The following PDCD11 variants were observed in gnomAD, a reference collection of about 807,000 sequenced individuals.
PDCD11 encodes protein RRP5 homolog.
A neutral mutation model predicts 198.9 loss-of-function variants in PDCD11; 97 were observed. That is an observed-to-expected ratio of 0.49 (90% CI 0.41 to 0.58). PDCD11 has a LOEUF of 0.58. Ranked by LOEUF, PDCD11 falls within the 20% of genes least tolerant of loss-of-function variation. The pLI, the probability that PDCD11 is intolerant of heterozygous loss-of-function variation, is 0.00. For missense variants in PDCD11, 2,102 were observed against 2,312.7 expected (o/e 0.91, Z 1.87); for synonymous variants, 893 against 918.0 (o/e 0.97, Z 0.49).
At chr10:103,398,679 T>C in intron 2 of PDCD11, 151 bp downstream of exon 2, 2 of 633,868 alleles carry the variant, frequency 3.2e-6, no homozygotes, top group Non-Finnish European at 5.7e-6. Context: ...AGAGAGGCCA[T>C]ACCACCACAA....
At chr10:103,414,225 C>T (rs1290407659) in intron 10 of PDCD11, 45 bp from the exon 11 acceptor site, 2 of 1,593,604 alleles carry the variant, frequency 1.3e-6, no homozygotes, top group African/African-American at 1.3e-5. Flanking sequence ...TTTTAGGCAA[C>T]CTCTGCCCTA....
rs752322118 is a variant in PDCD11 at position 103,405,945 on chromosome 10, C to A, written c.565-40C>A. 1.9e-6 allele frequency: 3 copies of A among 1,607,406 alleles called. 1 individual carries two copies. The South Asian group carries it at 3.3e-5, about 18-fold the overall frequency. On this transcript the variant is annotated intron_variant, in intron 5 of 35. Transcript: ENST00000369797. ...GGATGTTTTGTGTGTGTCCCATTAC[C>A]TTTGAATTGGAACTTCTGGGACTAC...
At chr10:103,400,596 T>C (rs1231448927) in intron 3 of PDCD11, 68 bp downstream of exon 3, 3 of 1,485,414 alleles carry the variant, frequency 2.0e-6, no homozygotes, top group East Asian at 2.3e-5. Flanking sequence ...TGTTCTTTTT[T>C]TCTTCTTTCC....
In PDCD11 at chr10:103,445,563, C is replaced by T. The variant is rs201845075; in HGVS notation, c.*14C>T. 3.1e-6 allele frequency: 5 copies of T among 1,610,652 alleles called. No homozygotes were observed. In the African/African-American group the frequency reaches 4.0e-5, roughly 13 times the overall value. On this transcript the variant is annotated 3_prime_UTR_variant, in exon 36 of 36. Transcript: ENST00000369797. ...CTAGAGGACTAGTGGCAGGCTGGCTCTGTGGGACACTGTCAACAATGGGCC... is the reference window on the plus strand; with the variant it reads ...CTAGAGGACTAGTGGCAGGCTGGCTTTGTGGGACACTGTCAACAATGGGCC...
At chr10:103,423,188 A>C (rs761497908) in intron 18 of PDCD11, 51 bp downstream of exon 18, 10 of 1,471,674 alleles carry the variant, frequency 6.8e-6, no homozygotes, top group Non-Finnish European at 8.1e-6. Context: ...CCCTTTGTCC[A>C]TTGCTCCCTC....
In PDCD11 at chr10:103,434,950, G is replaced by C; in HGVS notation, c.3820G>C (p.Asp1274His). 2 of 1,581,272 alleles carry C rather than the reference G, an allele frequency of 1.3e-6. No individual in the cohort carries two copies. The highest frequency in any genetic ancestry group is 4.8e-5 in the East Asian group (2 of 42,092). The change falls in exon 25 of 36, where the codon GAC (aspartate) becomes CAC (histidine). Residue 1274 changes from aspartate (D) to histidine (H), a missense_variant. Coordinates refer to ENST00000369797, the MANE Select transcript of PDCD11 (RefSeq NM_014976.2). ...CTCCTACTCCGAGACGCCCCTGGAA[G>C]ACTTCGTCCCCCAGAAGGTTGTCAG... ...SDSYSETPLE[D>H]FVPQKVVRCY...
chr10:103,418,486 T>C lies in PDCD11; in HGVS notation c.1958T>C (p.Val653Ala), dbSNP rs1213250618. The change falls in exon 15 of 36, where the codon GTG (valine) becomes GCG (alanine). Residue 653 changes from valine to alanine, a missense_variant. Physicochemically the swap from Val to Ala is moderately conservative, Grantham distance 64 (BLOSUM62 0). Transcript: ENST00000369797. ...VLEKTKDGLE[V>A]AVLPHNIRAF... ...GAGAAGACCAAAGATGGGCTGGAGG[T>C]GGCTGTCCTGCCCCACAACATCCGT... The C allele has an allele frequency of 6.2e-7, 1 of 1,614,094 alleles. No individual in the cohort carries two copies. Among genetic ancestry groups the C allele is most frequent in the Non-Finnish European group, 8.5e-7 (1 of 1,179,994 alleles).
intron 12 of PDCD11, among the ~76,000 whole-genome samples, chr10:103,415,621 C>T (rs2031064482): frequency 6.6e-6 from 1 of 152,216 alleles, no homozygotes; most frequent in Non-Finnish European, 1.5e-5. Flanking sequence ...GAAATTAAAG[C>T]TTCGGAAAGC....
Position 103,406,444 on chromosome 10 carries a change from C to T in PDCD11, c.689-165C>T, listed in dbSNP as rs561849590. Among the ~76,000 whole-genome samples the T allele has an allele frequency of 3.9e-5, 6 of 152,252 alleles. 1 individual carries two copies. The East Asian group carries it at 5.8e-4, about 15-fold the overall frequency. On this transcript the variant is annotated intron_variant, in intron 6 of 35. Transcript: ENST00000369797. Reference sequence around the variant, plus strand: ...AATTCCAGATCAATTAGGATAACTTCGTTTCCTTCTTGTAGTTGGCCCCTT... The same window carrying T: ...AATTCCAGATCAATTAGGATAACTTTGTTTCCTTCTTGTAGTTGGCCCCTT...
In PDCD11 at chr10:103,443,249, C is replaced by G; in HGVS notation, c.5040C>G (p.Val1680=). 1 of 1,613,108 alleles carries G rather than the reference C, an allele frequency of 6.2e-7. No individual in the cohort carries two copies. Among genetic ancestry groups the G allele is most frequent in the Non-Finnish European group, 8.5e-7 (1 of 1,179,162 alleles). Residue 1680 remains valine, a synonymous_variant, in exon 33 of 36, where the codon GTC becomes GTG. Transcript: ENST00000369797. Reference sequence around the variant, plus strand: ...GCTCTCAGGAGTCCCTGACCAAGGTCTTTGAGCGAGCCGTGCAGTACAACG... The same window carrying G: ...GCTCTCAGGAGTCCCTGACCAAGGTGTTTGAGCGAGCCGTGCAGTACAACG... ...MYGSQESLTK[V]FERAVQYNEP...
chr10:103,442,598 C>T, intron 32 of PDCD11, 138 bp downstream of exon 32: 1 of 852,440 alleles, frequency 1.2e-6, no homozygotes, highest in African/African-American at 1.7e-5. Context: ...GGTCCTCAGG[C>T]TTTCTGCCAT....
rs923289430 is a variant in PDCD11 at position 103,418,500 on chromosome 10, C to T, written c.1972C>T (p.His658Tyr). ...TGGGCTGGAGGTGGCTGTCCTGCCC[C>T]ACAACATCCGTGCTTTCCTCCCCAC... is the stretch of plus-strand genomic sequence containing the variant. ...KDGLEVAVLPHNIRAFLPTSH... is the reference protein window; with the variant it reads ...KDGLEVAVLPYNIRAFLPTSH... The change falls in exon 15 of 36, where the codon CAC (histidine) becomes TAC (tyrosine). Residue 658 changes from histidine (H) to tyrosine (Y), a missense_variant. His to Tyr is a moderately conservative substitution (Grantham distance 83). Transcript: ENST00000369797. The T allele has an allele frequency of 5.0e-6, 8 of 1,614,024 alleles. No homozygotes were observed. In the African/African-American group the frequency reaches 6.7e-5, roughly 13 times the overall value.
rs2031425756 is a variant in PDCD11 at position 103,421,506 on chromosome 10, C to T, written c.2436C>T (p.Leu812=). The part of the protein sequence containing the change: ...CGLGDLAITS[L]LLLNQCLEEL... ...TGGGGGACTTGGCTATCACCAGCCT[C>T]CTCCTCCTGAATCAGTGCCTGGAGG... The change falls in exon 17 of 36, where the codon CTC becomes CTT. Residue 812 remains leucine (L), a synonymous_variant. Transcript: ENST00000369797. 1 of 1,589,726 alleles carries T rather than the reference C, an allele frequency of 6.3e-7. No individual in the cohort carries two copies. The highest frequency in any genetic ancestry group is 8.6e-7 in the Non-Finnish European group (1 of 1,167,650).
Position 103,442,452 on chromosome 10 carries a change from C to G in PDCD11, c.4947C>G (p.Ile1649Met), listed in dbSNP as rs749350549. The G allele has an allele frequency of 1.2e-6, 2 of 1,613,492 alleles. No individual in the cohort carries two copies. The highest frequency in any genetic ancestry group is 1.7e-6 in the Non-Finnish European group (2 of 1,179,790). The change falls in exon 32 of 36, where the codon ATC (isoleucine) becomes ATG (methionine). Residue 1649 changes from isoleucine (I) to methionine (M), a missense_variant. By Grantham distance (10) the Ile-to-Met change is conservative. Coordinates refer to ENST00000369797, the MANE Select transcript of PDCD11 (RefSeq NM_014976.2). ...RAVAERALKT[I>M]SFREEQEKLN... ...TGGCTGAGAGGGCCCTTAAGACCAT[C>G]TCCTTCAGGTCTCAGCTTTGCCCCA...
In PDCD11 at chr10:103,413,207, C is replaced by T. The variant is rs759781911; in HGVS notation, c.1070C>T (p.Thr357Ile). Residue 357 changes from threonine to isoleucine, a missense_variant, in exon 9 of 36, where the codon ACC (threonine) becomes ATC (isoleucine). By Grantham distance (89) the Thr-to-Ile change is moderately conservative (BLOSUM62 -1). Transcript: ENST00000369797. ...PIFLQPGRPL[T>I]RLSCQNLGAV... ...TTCCTACAGCCTGGACGCCCACTCA[C>T]CCGACTCTCTTGCCAGAACCTTGGA... The T allele has an allele frequency of 2.5e-6, 4 of 1,614,050 alleles. No homozygotes were observed. The highest frequency in any genetic ancestry group is 3.4e-6 in the Non-Finnish European group (4 of 1,180,026).
rs1443797858 is a variant in PDCD11 at position 103,439,766 on chromosome 10, G to T, written c.4046G>T (p.Gly1349Val). ...TTCAGCCTTGGCCCCTCCGTTGTGG[G>T]TTTGGCTCGGTACTCCCATGTCTCC... ...VFFRLGPSVV[G>V]LARYSHVSQH... The change falls in exon 28 of 36, where the codon GGT (glycine) becomes GTT (valine). Residue 1349 changes from glycine to valine, a missense_variant. Coordinates refer to ENST00000369797, the MANE Select transcript of PDCD11 (RefSeq NM_014976.2). 6.2e-7 allele frequency: 1 copy of T among 1,614,096 alleles called. No homozygotes were observed. Among genetic ancestry groups the T allele is most frequent in the Admixed American group, 1.7e-5 (1 of 60,010 alleles).
At chr10:103,402,799 T>G in intron 3 of PDCD11, among the ~76,000 whole-genome samples, 1 of 152,214 alleles carries the variant, frequency 6.6e-6, no homozygotes, top group Non-Finnish European at 1.5e-5. Flanking sequence ...TGGAGTGCAG[T>G]GGTGTGATCA....
At chr10:103,438,631 G>A (rs2032250248) in intron 26 of PDCD11, 55 bp from the exon 27 acceptor site, 1 of 1,609,004 alleles carries the variant, frequency 6.2e-7, no homozygotes, top group African/African-American at 1.3e-5. Context: ...TGTATTGGGG[G>A]TGGCATGGGA....
chr10:103,407,298 A>AAT (rs1049639502), intron 7 of PDCD11, among the ~76,000 whole-genome samples: 2 of 152,046 alleles, frequency 1.3e-5, no homozygotes, highest in Non-Finnish European at 2.9e-5. Context: ...TTAATTAAAA[A>AAT]ATATATATAT....
Sources: gnomAD v4.1 joint callset for allele counts (sites outside exome capture counted in the v4.1 genomes callset) on GRCh38, gnomAD v4.1.1 for gene constraint, MANE v1.5 for transcripts, NCBI Gene and HGNC (gene_info 2026-07-23, HGNC 2026-07-21) for gene names.